Variants in TNIK observed in about 807,000 individuals in gnomAD.
TNIK encodes TRAF2 and NCK-interacting protein kinase.
A neutral mutation model predicts 191.3 loss-of-function variants in TNIK; 49 were observed. The ratio of observed to expected loss-of-function variants is 0.26; its 90% confidence interval spans 0.20 to 0.32. The LOEUF (loss-of-function observed/expected upper bound fraction) is 0.32, where lower values mean the gene tolerates loss of function less well. TNIK is among the 10% of genes least tolerant of loss of function. TNIK has a pLI of 1.00. For synonymous variants in TNIK, 594 were observed against 600.9 expected, an observed-to-expected ratio of 0.99 and a Z score of 0.17; for missense variants, 1,155 against 1,702.3, an observed-to-expected ratio of 0.68 and a Z score of 5.66.
At chr3:171,151,314 C>T (rs1470690988) in intron 12 of TNIK, among the ~76,000 whole-genome samples, 2 of 152,118 alleles carry the variant, frequency 1.3e-5, no homozygotes, top group African/African-American at 2.4e-5. Context: ...AGTATTATAA[C>T]AAATATTCTT....
intron 1 of TNIK, among the ~76,000 whole-genome samples, chr3:171,458,850 C>T (rs1451052938): frequency 6.6e-6 from 1 of 152,052 alleles, no homozygotes; most frequent in Non-Finnish European, 1.5e-5. Context: ...ATTTTTGGTT[C>T]GGGAGAGGAA....
intron 2 of TNIK, among the ~76,000 whole-genome samples, chr3:171,275,365 A>G (rs1315933941): frequency 1.3e-5 from 2 of 152,324 alleles, no homozygotes; most frequent in African/African-American, 2.4e-5. Context: ...AATGGAGGAA[A>G]TAGTTCTGAA....
At chr3:171,439,887 C>T (rs1726551706) in intron 1 of TNIK, among the ~76,000 whole-genome samples, 1 of 152,214 alleles carries the variant, frequency 6.6e-6, no homozygotes, top group South Asian at 2.1e-4. Flanking sequence ...CCCTCAGAAG[C>T]TCAGCATGTG....
chr3:171,150,065 T>TAA (rs35586364), intron 12 of TNIK, among the ~76,000 whole-genome samples: 148 of 152,180 alleles, frequency 9.7e-4, no homozygotes, highest in African/African-American at 3.3e-3. Context: ...GCTGCACTGG[T>TAA]AAAAAACCCA....
intron 18 of TNIK, among the ~76,000 whole-genome samples, chr3:171,120,565 T>C (rs147527468): frequency 3.5e-3 from 534 of 152,282 alleles, no homozygotes; most frequent in African/African-American, 0.012. Context: ...GTGATCCACC[T>C]GTCTCGGCCT....
chr3:171,097,807 AGGT>A (rs1722931169), intron 22 of TNIK, among the ~76,000 whole-genome samples: 1 of 152,208 alleles, frequency 6.6e-6, no homozygotes, highest in African/African-American at 2.4e-5. Flanking sequence ...GGCAGAAGCC[AGGT>A]TTCTGACTGT....
chr3:171,214,454 G>C (rs951993100), intron 3 of TNIK, among the ~76,000 whole-genome samples: 1 of 152,154 alleles, frequency 6.6e-6, no homozygotes, highest in African/African-American at 2.4e-5. Context: ...AATTGCCACT[G>C]AATGTGGCAA....
intron 7 of TNIK, among the ~76,000 whole-genome samples, chr3:171,179,832 G>A (rs1297261879): frequency 6.6e-6 from 1 of 152,130 alleles, no homozygotes; most frequent in African/African-American, 2.4e-5. Context: ...CTGTTCAGGA[G>A]GCTTTAAACA....
chr3:171,317,399 T>C (rs1232075620), intron 2 of TNIK, among the ~76,000 whole-genome samples: 1 of 152,166 alleles, frequency 6.6e-6, no homozygotes, highest in Admixed American at 6.6e-5. Context: ...CAGCTATCCA[T>C]GGAGGACTGC....
At chr3:171,316,973 G>T (rs1452775985) in intron 2 of TNIK, among the ~76,000 whole-genome samples, 2 of 74,500 alleles carry the variant, frequency 2.7e-5, no homozygotes, top group African/African-American at 4.7e-5. Context: ...ATAATTATAT[G>T]ATATATATCA....
At chr3:171,143,668 C>T (rs945788135) in intron 12 of TNIK, among the ~76,000 whole-genome samples, 2 of 152,068 alleles carry the variant, frequency 1.3e-5, no homozygotes, top group Non-Finnish European at 2.9e-5. Context: ...GATTGAAAGC[C>T]GTGTGTGGGC....
intron 2 of TNIK, among the ~76,000 whole-genome samples, chr3:171,233,644 T>C (rs937516183): frequency 6.6e-6 from 1 of 152,158 alleles, no homozygotes; most frequent in African/African-American, 2.4e-5. Flanking sequence ...TGGATTAGGA[T>C]GGAAAGGGTG....
At chr3:171,188,671 A>T in intron 7 of TNIK, 31 bp downstream of exon 7, 1 of 1,611,360 alleles carries the variant, frequency 6.2e-7, no homozygotes, top group Non-Finnish European at 8.5e-7. Flanking sequence ...GATGGTAGGC[A>T]TAGTTTTGAA....
At chr3:171,445,344 C>T (rs1030319808) in intron 1 of TNIK, among the ~76,000 whole-genome samples, 6 of 151,044 alleles carry the variant, frequency 4.0e-5, no homozygotes, top group South Asian at 2.1e-4. Flanking sequence ...ACCTGAGAAC[C>T]GGAGGTCGAA....
intron 4 of TNIK, among the ~76,000 whole-genome samples, chr3:171,195,915 CA>C (rs1203625104): frequency 6.6e-6 from 1 of 152,098 alleles, no homozygotes; most frequent in Non-Finnish European, 1.5e-5. Context: ...AAAATCATGT[CA>C]AAAAGGATTC....
intron 4 of TNIK, among the ~76,000 whole-genome samples, chr3:171,205,338 A>C (rs1432250378): frequency 6.6e-6 from 1 of 152,230 alleles, no homozygotes. Context: ...GGTAAGAAAG[A>C]AGCTACTAGA....
At chr3:171,124,041 A>C (rs1728141513) in intron 17 of TNIK, among the ~76,000 whole-genome samples, 1 of 152,226 alleles carries the variant, frequency 6.6e-6, no homozygotes, top group Non-Finnish European at 1.5e-5. Context: ...AAATACCAGG[A>C]ATTTCTTTAG....
chr3:171,176,376 G>T (rs545455263), intron 8 of TNIK, among the ~76,000 whole-genome samples: 53 of 152,138 alleles, frequency 3.5e-4, no homozygotes, highest in Non-Finnish European at 6.6e-4. Flanking sequence ...ATGACCTGTC[G>T]TGCAAATAAA....
intron 2 of TNIK, among the ~76,000 whole-genome samples, chr3:171,346,344 G>T (rs1349033048): frequency 6.6e-6 from 1 of 152,124 alleles, no homozygotes; most frequent in Non-Finnish European, 1.5e-5. Flanking sequence ...CCCTATTAAA[G>T]ATATGGTCCA....
Sources: allele counts gnomAD v4.1 joint callset (sites outside exome capture counted in the v4.1 genomes callset), GRCh38; gene constraint gnomAD v4.1.1; transcripts MANE v1.5; gene names NCBI Gene and HGNC (gene_info 2026-07-23, HGNC 2026-07-21).